Variants in NCOR2 observed in about 807,000 individuals in gnomAD.
The protein encoded by NCOR2 is CTG repeat protein 26.
Under a neutral mutation model 262.9 loss-of-function variants are expected in NCOR2, and 81 were observed. The ratio of observed to expected loss-of-function variants is 0.31; its 90% CI spans 0.26 to 0.37. The LOEUF is 0.37. Ranked by LOEUF, NCOR2 falls within the 10% of genes least tolerant of loss-of-function variation. NCOR2 has a pLI of 1.00. For missense variants in NCOR2, 3,385 were observed against 3,621.4 expected, an observed-to-expected ratio of 0.93 and a Z score of 1.68; for synonymous variants, 1,659 against 1,559.3, an observed-to-expected ratio of 1.06 and a Z score of -1.51.
chr12:124,543,986 C>A (rs1467290588), intron 1 of NCOR2, among the ~76,000 whole-genome samples: 2 of 152,190 alleles, frequency 1.3e-5, no homozygotes, highest in East Asian at 3.9e-4. Context: ...TCCCCCTGTG[C>A]AGATGGAGGC....
At chr12:124,544,114 G>A (rs1198940274) in intron 1 of NCOR2, among the ~76,000 whole-genome samples, 2 of 152,130 alleles carry the variant, frequency 1.3e-5, no homozygotes, top group Non-Finnish European at 2.9e-5. Context: ...CCCCAGCGGG[G>A]AGGGAGATGA....
At position 124,517,131 on chromosome 12, in the gene NCOR2, C is replaced by T. The variant is rs1363211375; in HGVS notation, c.-118+18434G>A. Among the ~76,000 whole-genome samples the T allele has an allele frequency of 2.0e-5, 3 of 152,008 alleles. No homozygotes were observed. The highest frequency in any genetic ancestry group is 2.9e-5 in the Non-Finnish European group (2 of 67,970). On this transcript the variant is annotated intron_variant, in intron 1 of 46. Transcript: ENST00000404621. This position sits in a 1 kb window ranked among gnomAD's most constrained non-coding sequence, Gnocchi z 7.6. Reference sequence around the variant, plus strand: ...ACCCCACTGTGCCCCATTTTACAGACGAGGAAACTGAGGTCTGCAAAGGGG... The same window carrying T: ...ACCCCACTGTGCCCCATTTTACAGATGAGGAAACTGAGGTCTGCAAAGGGG...
At chr12:124,419,364 C>T (rs1206606807) in intron 13 of NCOR2, among the ~76,000 whole-genome samples, 3 of 152,176 alleles carry the variant, frequency 2.0e-5, no homozygotes, top group African/African-American at 7.2e-5. Context: ...ACAGGCATGG[C>T]TGTGTTCCAA....
intron 1 of NCOR2, among the ~76,000 whole-genome samples, chr12:124,502,618 G>C (rs2048808446): frequency 6.6e-6 from 1 of 152,174 alleles, no homozygotes; most frequent in African/African-American, 2.4e-5. Context: ...GATGGGGAGA[G>C]TGGGGTGAGC....
chr12:124,520,771 C>A (rs143242160), intron 1 of NCOR2, among the ~76,000 whole-genome samples: 7 of 152,160 alleles, frequency 4.6e-5, no homozygotes, highest in South Asian at 2.1e-4. Context: ...ATCACGCAAG[C>A]CTTCGACGGC....
At chr12:124,430,285 G>T (rs1390276686) in intron 9 of NCOR2, among the ~76,000 whole-genome samples, 8 of 152,178 alleles carry the variant, frequency 5.3e-5, no homozygotes, top group African/African-American at 1.7e-4. Context: ...TGGTCTCTTA[G>T]CCACGTCTCT....
intron 13 of NCOR2, among the ~76,000 whole-genome samples, chr12:124,415,441 G>A (rs974806556): frequency 6.6e-6 from 1 of 152,254 alleles, no homozygotes; most frequent in African/African-American, 2.4e-5. Context: ...CCATGGGGCA[G>A]AGAGGACTCT....
At chr12:124,369,690 G>C (rs979825826) in intron 20 of NCOR2, among the ~76,000 whole-genome samples, 1 of 152,168 alleles carries the variant, frequency 6.6e-6, no homozygotes, top group Admixed American at 6.5e-5. Flanking sequence ...GGGGGCCTGG[G>C]CCTAGTCGCA....
chr12:124,350,781 G>C, intron 27 of NCOR2, 44 bp from the exon 30 acceptor site: 1 of 1,576,310 alleles, frequency 6.3e-7, no homozygotes, highest in Non-Finnish European at 8.6e-7. Flanking sequence ...TGCAGCCCAG[G>C]ACCCCTCTCA....
chr12:124,424,253 CA>C (rs2043399988), intron 11 of NCOR2, among the ~76,000 whole-genome samples: 2 of 152,232 alleles, frequency 1.3e-5, no homozygotes, highest in Admixed American at 6.5e-5. Flanking sequence ...TCATGCCTAC[CA>C]GGGGGAACGT....
intron 21 of NCOR2, among the ~76,000 whole-genome samples, chr12:124,362,990 C>T (rs1301716376): frequency 2.0e-5 from 3 of 152,288 alleles, no homozygotes; most frequent in Non-Finnish European, 4.4e-5. Context: ...AAAGCCTGGC[C>T]TAGCAGCCTG....
chr12:124,354,665 G>C (rs1309345443), intron 25 of NCOR2, 83 bp from the exon 28 acceptor site: 2 of 1,353,292 alleles, frequency 1.5e-6, no homozygotes, highest in Non-Finnish European at 2.0e-6. Flanking sequence ...TGAGCCAGGG[G>C]CTGGGAAGCG....
chr12:124,348,317 G>A lies in NCOR2; in HGVS notation c.3845-3C>T. ...GCACTGGGTCACAGACATGCCACCTGGAAACCACACAAAGCACTCGGTGAG... is the reference window on the plus strand; with the variant it reads ...GCACTGGGTCACAGACATGCCACCTAGAAACCACACAAAGCACTCGGTGAG... On this transcript the variant is annotated splice_polypyrimidine_tract_variant and splice_region_variant and intron_variant, in intron 28 of 46. Coordinates refer to ENST00000405201, the Ensembl canonical transcript of NCOR2. 2.5e-6 allele frequency: 4 copies of A among 1,604,004 alleles called. No homozygotes were observed. The highest frequency in any genetic ancestry group is 3.4e-6 in the Non-Finnish European group (4 of 1,174,572).
At chr12:124,325,293 CAG>C (rs1356661526) in exon 47 of NCOR2, 13 of 676,298 alleles carry the variant, frequency 1.9e-5, no homozygotes, top group African/African-American at 7.7e-5. Flanking sequence ...CAGGCGGACT[CAG>C]GGGCTCCTTC....
rs1436107739 is a variant in NCOR2, at chr12:124,566,228, G to A, written c.-165+1080C>T. ...CTCACCAACGGGGGAGAGGAGGAGGGGGAGGAAGGGAGGAGGCTGAGCCGA... is the reference window on the plus strand; with the variant it reads ...CTCACCAACGGGGGAGAGGAGGAGGAGGAGGAAGGGAGGAGGCTGAGCCGA... On this transcript the variant is annotated intron_variant, in intron 1 of 32. Coordinates refer to the NCOR2 transcript ENST00000458234. This position sits in a 1 kb window ranked among gnomAD's most constrained non-coding sequence, Gnocchi z 4.3. 6.6e-6 allele frequency among the ~76,000 whole-genome samples: 1 copy of A among 152,212 alleles called. No homozygotes were observed. Among genetic ancestry groups the A allele is most frequent in the Non-Finnish European group, 1.5e-5 (1 of 68,042 alleles).
At chr12:124,362,178 G>A in exon 22 of NCOR2, 1 of 1,309,048 alleles carries the variant, frequency 7.6e-7, no homozygotes, top group Non-Finnish European at 9.7e-7. Flanking sequence ...GGGGGCTGCT[G>A]CCAGGCTGCT....
chr12:124,328,666 C>A (rs1566346049), intron 44 of NCOR2: 1 of 155,214 alleles, frequency 6.4e-6, no homozygotes, highest in Non-Finnish European at 1.4e-5. Flanking sequence ...ACCGTGCCCA[C>A]CACGGGGCAA....
At chr12:124,462,777 A>T (rs949746550) in intron 5 of NCOR2, among the ~76,000 whole-genome samples, 14 of 152,234 alleles carry the variant, frequency 9.2e-5, no homozygotes, top group Admixed American at 9.2e-4. Flanking sequence ...CTTCACGTTC[A>T]CGGTGACTGT....
chr12:124,489,783 G>A (rs759472675), intron 1 of NCOR2, among the ~76,000 whole-genome samples: 1 of 152,204 alleles, frequency 6.6e-6, no homozygotes, highest in Non-Finnish European at 1.5e-5. Context: ...TCTTGGCTGG[G>A]TCCCAAGGGT....
Sources: allele counts gnomAD v4.1 joint callset (sites outside exome capture counted in the v4.1 genomes callset), GRCh38; gene constraint gnomAD v4.1.1; non-coding constraint Gnocchi (gnomAD v3.1); transcripts MANE v1.5; gene names NCBI Gene and HGNC (gene_info 2026-07-23, HGNC 2026-07-21).